Variants in FHIT observed in about 807,000 individuals in gnomAD.
FHIT encodes the protein bis(5'-adenosyl)-triphosphatase.
A neutral mutation model predicts 17.9 loss-of-function variants in FHIT; 19 were observed. The observed-to-expected ratio is 1.06, with a 90% CI of 0.74 to 1.56. FHIT has a LOEUF of 1.56. FHIT is among the 40% of genes most tolerant of loss of function. The pLI, the probability that FHIT is intolerant of heterozygous loss-of-function variation, is 0.00. For synonymous variants in FHIT, 81 were observed against 69.7 expected (o/e 1.16, Z -0.81); for missense variants, 248 against 189.2 (o/e 1.31, Z -1.82).
chr3:60,151,219 C>CA (rs1429355632), intron 5 of FHIT, among the ~76,000 whole-genome samples: 4 of 151,932 alleles, frequency 2.6e-5, no homozygotes, highest in South Asian at 2.1e-4. Flanking sequence ...CTATCTTACC[C>CA]AAAAAAATAG....
chr3:61,216,265 C>A (rs868861175), intron 1 of FHIT, among the ~76,000 whole-genome samples: 5 of 152,068 alleles, frequency 3.3e-5, no homozygotes, highest in East Asian at 3.8e-4. Flanking sequence ...GCTAATATCC[C>A]GAATCTACAA....
At chr3:60,217,917 T>C in intron 5 of FHIT, among the ~76,000 whole-genome samples, 1 of 152,164 alleles carries the variant, frequency 6.6e-6, no homozygotes, top group Non-Finnish European at 1.5e-5. Flanking sequence ...AGCAGCACTT[T>C]TAACAACTGT....
intron 3 of FHIT, among the ~76,000 whole-genome samples, chr3:60,854,250 C>T (rs1432043604): frequency 6.6e-6 from 1 of 152,062 alleles, no homozygotes; most frequent in Admixed American, 6.6e-5. Flanking sequence ...CCTCTCTTTC[C>T]CTAACTTTTC....
intron 5 of FHIT, among the ~76,000 whole-genome samples, chr3:60,242,569 G>C (rs1705186902): frequency 6.6e-6 from 1 of 152,092 alleles, no homozygotes; most frequent in African/African-American, 2.4e-5. Context: ...GCCTTGCAGA[G>C]AGCAGGTACT....
chr3:60,253,524 A>G (rs899174299), intron 5 of FHIT, among the ~76,000 whole-genome samples: 2 of 152,254 alleles, frequency 1.3e-5, no homozygotes, highest in Non-Finnish European at 2.9e-5. Context: ...TGGAAAAAAC[A>G]TAAGAGAAAA....
At chr3:60,551,383 G>C (rs1442329386) in intron 4 of FHIT, among the ~76,000 whole-genome samples, 1 of 139,444 alleles carries the variant, frequency 7.2e-6, no homozygotes, top group Non-Finnish European at 1.5e-5. Context: ...TCATTTGGGA[G>C]ACCAAAGCAG....
intron 5 of FHIT, among the ~76,000 whole-genome samples, chr3:60,129,144 C>T (rs889000409): frequency 2.0e-5 from 3 of 150,596 alleles, no homozygotes; most frequent in African/African-American, 7.3e-5. Flanking sequence ...CCTCCGCCTC[C>T]CGGGTTCAAA....
At chr3:60,910,728 G>A (rs1194170001) in intron 3 of FHIT, among the ~76,000 whole-genome samples, 43 of 152,100 alleles carry the variant, frequency 2.8e-4, no homozygotes, top group African/African-American at 9.6e-4. Context: ...TTTCTCTAGC[G>A]ATGTGTTCAT....
At chr3:60,522,316 G>A (rs764096671) in intron 5 of FHIT, among the ~76,000 whole-genome samples, 1 of 152,050 alleles carries the variant, frequency 6.6e-6, no homozygotes, top group Non-Finnish European at 1.5e-5. Flanking sequence ...TCACCATGTT[G>A]GCCAGGCTGG....
chr3:59,760,217 T>C (rs538715897), intron 8 of FHIT, among the ~76,000 whole-genome samples: 2 of 152,312 alleles, frequency 1.3e-5, no homozygotes, highest in South Asian at 4.1e-4. Context: ...TTATATTAAT[T>C]AGTGGCATCC....
intron 8 of FHIT, among the ~76,000 whole-genome samples, chr3:59,802,272 C>T (rs1700026034): frequency 2.0e-5 from 3 of 152,142 alleles, no homozygotes; most frequent in African/African-American, 4.8e-5. Flanking sequence ...AGACAGAAGC[C>T]TGTGTGTGCT....
Position 59,873,473 on chromosome 3 carries a change from T to G in FHIT, c.348+48873A>C, listed in dbSNP as rs548011530. On this transcript the variant is annotated intron_variant, in intron 8 of 9. Transcript: ENST00000492590. ...GTTCATTCCAGCATTCAAGCCCTTC[T>G]GCAGCACAGCCCCATTCTAATTGTT... 3.9e-4 allele frequency among the ~76,000 whole-genome samples: 60 copies of G among 152,354 alleles called. 1 individual carries two copies. The South Asian group carries it at 5.2e-3, about 13-fold the overall frequency.
chr3:60,939,773 A>G (rs1390432304), intron 3 of FHIT, among the ~76,000 whole-genome samples: 3 of 152,288 alleles, frequency 2.0e-5, no homozygotes, highest in South Asian at 4.1e-4. Context: ...AATAATCTAT[A>G]ATACACATAG....
chr3:59,921,965 T>G (rs1465107722), intron 8 of FHIT, among the ~76,000 whole-genome samples: 1 of 152,244 alleles, frequency 6.6e-6, no homozygotes, highest in Non-Finnish European at 1.5e-5. Flanking sequence ...TTTTAAAAAT[T>G]AAGTGTAGCA....
At chr3:61,177,426 G>T (rs910741070) in intron 2 of FHIT, among the ~76,000 whole-genome samples, 1 of 151,974 alleles carries the variant, frequency 6.6e-6, no homozygotes. Flanking sequence ...AAAAACTCCT[G>T]ATCTTTAAAA....
At chr3:59,874,920 T>C (rs1477949675) in intron 8 of FHIT, among the ~76,000 whole-genome samples, 2 of 152,206 alleles carry the variant, frequency 1.3e-5, no homozygotes, top group Non-Finnish European at 2.9e-5. Context: ...ACAGCTTCCA[T>C]TTTTCAAAAG....
At chr3:60,544,725 T>C (rs2036305834) in intron 4 of FHIT, among the ~76,000 whole-genome samples, 1 of 150,946 alleles carries the variant, frequency 6.6e-6, no homozygotes, top group Non-Finnish European at 1.5e-5. Flanking sequence ...GCCTCCCAAG[T>C]AGCTGGGATT....
rs542085993 is a variant in FHIT at position 60,924,935 on chromosome 3, G to A, written c.-110-102924C>T. 2.2e-4 allele frequency among the ~76,000 whole-genome samples: 33 copies of A among 152,264 alleles called. 1 individual carries two copies. Among genetic ancestry groups the A allele is most frequent in the Middle Eastern group, 3.4e-3 (1 of 294 alleles). On this transcript the variant is annotated intron_variant, in intron 3 of 9. Coordinates refer to ENST00000492590, the MANE Select transcript of FHIT (RefSeq NM_002012.4). ...ATACACAAGTCTCAGTAGCCGATTC[G>A]ATCAACTGGAAGAAAGGGTATCAGT...
chr3:60,186,305 G>T (rs905166799), intron 5 of FHIT, among the ~76,000 whole-genome samples: 1 of 151,940 alleles, frequency 6.6e-6, no homozygotes, highest in Non-Finnish European at 1.5e-5. Flanking sequence ...TGTGACATAT[G>T]CAAGGTCTTT....
Sources: allele counts gnomAD v4.1 joint callset (sites outside exome capture counted in the v4.1 genomes callset), GRCh38; gene constraint gnomAD v4.1.1; transcripts MANE v1.5; gene names NCBI Gene and HGNC (gene_info 2026-07-23, HGNC 2026-07-21).